DEFB112: variants seen among roughly 807,000 people sequenced by gnomAD.
DEFB112 encodes the protein beta-defensin 112.
DEFB112 carries 2 observed loss-of-function variants against 1.1 expected under a neutral mutation model. That is an observed-to-expected ratio of 1.85 (90% CI 0.76 to 5.83). DEFB112 has a LOEUF of 5.83. Among genes scored for constraint, DEFB112 ranks in the 30% most tolerant of loss-of-function variants. DEFB112 has a pLI of 0.05. For synonymous variants in DEFB112, 40 were observed against 31.2 expected (o/e 1.28, Z -0.93); for missense variants, 120 against 94.4 (o/e 1.27, Z -1.12).
chr6:50,044,879 A>G (rs1582381598), intron 1 of DEFB112, among the ~76,000 whole-genome samples: 1 of 151,888 alleles, frequency 6.6e-6, no homozygotes, highest in Non-Finnish European at 1.5e-5. Context: ...GTAATTAACC[A>G]TTTTCGTGTC....
intron 1 of DEFB112, among the ~76,000 whole-genome samples, 159 bp downstream of exon 1, chr6:50,049,653 T>A (rs1480107475): frequency 6.6e-6 from 1 of 152,060 alleles, no homozygotes; most frequent in African/African-American, 2.4e-5. Context: ...GCTTGAAAAA[T>A]TATTCAAATA....
intron 1 of DEFB112, among the ~76,000 whole-genome samples, chr6:50,044,756 C>T (rs778965534): frequency 1.6e-4 from 24 of 151,906 alleles, no homozygotes; most frequent in Non-Finnish European, 2.5e-4. Context: ...TACCATTACT[C>T]GACTAATATA....
rs552269901 is a variant in DEFB112, at chr6:50,042,332, A to G, written c.*1243T>C. Among the ~76,000 whole-genome samples, 17 of 152,156 alleles carry G rather than the reference A, an allele frequency of 1.1e-4. No individual in the cohort carries two copies. The highest frequency in any genetic ancestry group is 2.1e-4 in the Non-Finnish European group (14 of 67,936). On this transcript the variant is annotated 3_prime_UTR_variant, in exon 2 of 2. Coordinates refer to ENST00000651554, the MANE Select transcript of DEFB112 (RefSeq NM_001369057.2). Reference sequence around the variant, plus strand: ...TTTGGACACCCAGATGCTTTTCCCTATGTGCCCAGGTACTGTGTACAGGAT... The same window carrying G: ...TTTGGACACCCAGATGCTTTTCCCTGTGTGCCCAGGTACTGTGTACAGGAT...
intron 1 of DEFB112, among the ~76,000 whole-genome samples, chr6:50,049,133 C>G (rs545512388): frequency 3.0e-4 from 46 of 152,046 alleles, no homozygotes; most frequent in African/African-American, 1.1e-3. Context: ...CTCCTTGTCC[C>G]CTTTTGGTGA....
intron 1 of DEFB112, among the ~76,000 whole-genome samples, chr6:50,048,007 C>T (rs1013058605): frequency 3.3e-5 from 5 of 151,704 alleles, no homozygotes; most frequent in Non-Finnish European, 7.4e-5. Context: ...ATTAGCGGGG[C>T]GTGGTGGTGG....
chr6:50,044,297 C>G (rs1319355191), intron 1 of DEFB112, among the ~76,000 whole-genome samples: 1 of 151,952 alleles, frequency 6.6e-6, no homozygotes, highest in East Asian at 1.9e-4. Context: ...TAGAGCCAAG[C>G]ACAAGAGAAG....
intron 1 of DEFB112, chr6:50,048,707 AG>A (rs1774880131): frequency 1.6e-6 from 2 of 1,253,992 alleles, no homozygotes; most frequent in South Asian, 1.3e-5. Flanking sequence ...TTACTTTAAA[AG>A]TAGGAGGAAA....
intron 1 of DEFB112, among the ~76,000 whole-genome samples, chr6:50,044,660 A>G (rs572490153): frequency 6.6e-6 from 1 of 152,126 alleles, no homozygotes; most frequent in Non-Finnish European, 1.5e-5. Context: ...CTGGAGAGCC[A>G]GGTTTTGAAT....
intron 1 of DEFB112, among the ~76,000 whole-genome samples, 53 bp downstream of exon 1, chr6:50,049,759 C>T (rs952227463): frequency 6.6e-6 from 1 of 151,802 alleles, no homozygotes; most frequent in Non-Finnish European, 1.5e-5. Context: ...TAACCCAGCT[C>T]CCCGACTTTA....
chr6:50,049,085 A>G (rs186384329), intron 1 of DEFB112, among the ~76,000 whole-genome samples: 1 of 152,234 alleles, frequency 6.6e-6, no homozygotes, highest in African/African-American at 2.4e-5. Flanking sequence ...GATTTAAATT[A>G]ACTCCCTTGT....
intron 1 of DEFB112, among the ~76,000 whole-genome samples, chr6:50,045,700 C>G (rs1244891629): frequency 6.6e-6 from 1 of 152,138 alleles, no homozygotes; most frequent in Non-Finnish European, 1.5e-5. Flanking sequence ...ATGGTACAAC[C>G]TATCACATAC....
At chr6:50,046,817 G>T (rs1398960222) in intron 1 of DEFB112, among the ~76,000 whole-genome samples, 1 of 152,158 alleles carries the variant, frequency 6.6e-6, no homozygotes, top group African/African-American at 2.4e-5. Flanking sequence ...TTGGTAAAGT[G>T]GTGTAATGGA....
chr6:50,048,142 C>G (rs113947693), intron 1 of DEFB112, among the ~76,000 whole-genome samples: 1 of 146,694 alleles, frequency 6.8e-6, no homozygotes, highest in Admixed American at 6.7e-5. Context: ...AGTGAAACTC[C>G]GTCTCAAAAA....
Position 50,042,465 on chromosome 6 carries a change from T to G in DEFB112, c.*1110A>C, listed in dbSNP as rs1346646835. ...TCAACTTAAATACCTTGTTACCACA[T>G]AATTTTAAGTGACTAGCTCCCTTTT... is the stretch of plus-strand genomic sequence containing the variant. On this transcript the variant is annotated 3_prime_UTR_variant, in exon 2 of 2. Transcript: ENST00000651554. 3.3e-5 allele frequency among the ~76,000 whole-genome samples: 5 copies of G among 152,050 alleles called. No homozygotes were observed. Among genetic ancestry groups the G allele is most frequent in the Non-Finnish European group, 4.4e-5 (3 of 67,946 alleles).
intron 1 of DEFB112, 121 bp from the exon 2 acceptor site, chr6:50,043,922 T>G (rs942350160): frequency 1.2e-6 from 1 of 865,446 alleles, no homozygotes; most frequent in African/African-American, 1.7e-5. Context: ...ATATTTGCTT[T>G]AATTTTTTTG....
chr6:50,045,501 T>C (rs1774816550), intron 1 of DEFB112, among the ~76,000 whole-genome samples: 1 of 152,168 alleles, frequency 6.6e-6, no homozygotes, highest in Admixed American at 6.5e-5. Flanking sequence ...CTTTTGAACA[T>C]GTATACACAT....
At chr6:50,043,932 G>T in intron 1 of DEFB112, 131 bp from the exon 2 acceptor site, 1 of 768,564 alleles carries the variant, frequency 1.3e-6, no homozygotes, top group Non-Finnish European at 2.1e-6. Flanking sequence ...TAATTTTTTT[G>T]TCCATATCAG....
At position 50,043,747 on chromosome 6, in the gene DEFB112, A is replaced by G. The variant is rs1774787004; in HGVS notation, c.113T>C (p.Ile38Thr). 9.3e-6 allele frequency: 15 copies of G among 1,613,484 alleles called. No homozygotes were observed. Among genetic ancestry groups the G allele is most frequent in the Non-Finnish European group, 1.2e-5 (14 of 1,179,534 alleles). The change falls in exon 2 of 2, where the codon ATT becomes ACT. Residue 38 changes from isoleucine (I) to threonine (T), a missense_variant. By Grantham distance (89) the Ile-to-Thr change is moderately conservative (BLOSUM62 -1). Coordinates refer to ENST00000651554, the MANE Select transcript of DEFB112 (RefSeq NM_001369057.2). The stretch of plus-strand genomic sequence containing the variant: ...ACATTGATTTTTACATCGACCTCCA[A>G]TCGCTGTACATGACTTCCACCTACT... ...TFSRWKSCTA[I>T]GGRCKNQCDD...
At chr6:50,048,592 A>G (rs1562000383) in intron 1 of DEFB112, 11 of 1,613,622 alleles carry the variant, frequency 6.8e-6, no homozygotes, top group Non-Finnish European at 9.3e-6. Context: ...TGGAAGATGT[A>G]TTTGTCTTTG....
Sources: gnomAD v4.1 joint callset for allele counts (sites outside exome capture counted in the v4.1 genomes callset) on GRCh38, gnomAD v4.1.1 for gene constraint, MANE v1.5 for transcripts, NCBI Gene and HGNC (gene_info 2026-07-23, HGNC 2026-07-21) for gene names.